PDXK: variants seen among roughly 807,000 people sequenced by gnomAD.
PDXK encodes pyridoxal kinase, also known as epididymis secretory sperm binding protein Li 1a.
A neutral mutation model predicts 43.2 loss-of-function variants in PDXK; 15 were observed. That is an observed-to-expected ratio of 0.35 (90% CI 0.23 to 0.53). The LOEUF (loss-of-function observed/expected upper bound fraction) is 0.53. PDXK is among the 20% of genes least tolerant of loss of function. The pLI, the probability that PDXK is intolerant of heterozygous loss-of-function variation, is 0.92. For synonymous variants in PDXK, 172 were observed against 165.4 expected, an observed-to-expected ratio of 1.04 and a Z score of -0.31; for missense variants, 343 against 417.0, an observed-to-expected ratio of 0.82 and a Z score of 1.54.
At chr21:43,719,984 C>A in intron 1 of PDXK, 8 of 909,230 alleles carry the variant, frequency 8.8e-6, no homozygotes, top group Non-Finnish European at 1.1e-5. Context: ...CTGCTCTGCA[C>A]CCTCTAGCAG....
chr21:43,719,734 C>A, intron 1 of PDXK: 1 of 985,402 alleles, frequency 1.0e-6, no homozygotes. Flanking sequence ...CTCCCGGAGG[C>A]GAGGAAATGT....
At chr21:43,740,603 T>C (rs2083481379) in intron 2 of PDXK, among the ~76,000 whole-genome samples, 1 of 151,930 alleles carries the variant, frequency 6.6e-6, no homozygotes, top group African/African-American at 2.4e-5. Context: ...GTGGTCAGGT[T>C]CCGCAGTGCA....
In PDXK at chr21:43,754,704, G is replaced by A. The variant is rs922075447; in HGVS notation, c.759+985G>A. ...CAGGGGTGCCATGGGAGTGACAGGA[G>A]GAAGACAGGACACCTCTGTCACTAT... On this transcript the variant is annotated intron_variant, in intron 9 of 10. Transcript: ENST00000291565. This position sits in a 1 kb window ranked among gnomAD's most constrained non-coding sequence, Gnocchi z 5.5. Among the ~76,000 whole-genome samples, 2 of 152,134 alleles carry A rather than the reference G, an allele frequency of 1.3e-5. No individual in the cohort carries two copies. Among genetic ancestry groups the A allele is most frequent in the Non-Finnish European group, 2.9e-5 (2 of 68,008 alleles).
chr21:43,743,917 G>T, intron 4 of PDXK, 110 bp downstream of exon 4: 1 of 711,426 alleles, frequency 1.4e-6, no homozygotes, highest in Non-Finnish European at 2.5e-6. Flanking sequence ...GCACGCCTCC[G>T]TGCCCCGCCT....
In PDXK at chr21:43,749,161, G is replaced by A. The variant is rs1400300640; in HGVS notation, c.464+81G>A. On this transcript the variant is annotated intron_variant, in intron 6 of 10. Transcript: ENST00000291565. ...CTCTTGTCACCCAGGCTGGAGTGCA[G>A]TGGCACGATCACAGCTCACTGCAAC... The A allele has an allele frequency of 3.6e-6, 3 of 822,116 alleles. No individual in the cohort carries two copies. The African/African-American group carries it at 5.2e-5, about 14-fold the overall frequency. 50.9% of individuals were successfully genotyped at this position (822,116 alleles called of 1,614,324 possible). A position where few individuals can be genotyped will look rare whatever the true frequency, so the allele number is the denominator to read the frequency against.
intron 1 of PDXK, among the ~76,000 whole-genome samples, chr21:43,727,473 G>A (rs1475413843): frequency 2.6e-5 from 4 of 152,196 alleles, no homozygotes; most frequent in African/African-American, 9.7e-5. Context: ...GCCAGCCCCT[G>A]TCCCTGTCCT....
rs377726670 is a variant in PDXK at position 43,752,716 on chromosome 21, A to G, written c.622+87A>G. The G allele has an allele frequency of 3.3e-5, 26 of 796,748 alleles. 1 individual carries two copies. Among genetic ancestry groups the G allele is most frequent in the Middle Eastern group, 4.5e-4 (2 of 4,418 alleles). 49.4% of individuals were successfully genotyped at this position (796,748 alleles called of 1,614,324 possible). ...GGGCTGCAAGAATGTTTTGGGTTCAATAGCATGAAATTTAAGCCTTATCCA... is the reference window on the plus strand; with the variant it reads ...GGGCTGCAAGAATGTTTTGGGTTCAGTAGCATGAAATTTAAGCCTTATCCA... On this transcript the variant is annotated intron_variant, in intron 8 of 10. Transcript: ENST00000291565.
intron 1 of PDXK, among the ~76,000 whole-genome samples, chr21:43,722,635 A>G (rs1218937432): frequency 6.6e-6 from 1 of 150,602 alleles, no homozygotes; most frequent in Admixed American, 6.7e-5. Context: ...CCTCCATACA[A>G]GGGTCCTTCC....
chr21:43,757,876 G>T lies in PDXK; in HGVS notation c.*1813G>T, dbSNP rs1473127076. 6.6e-6 allele frequency: 1 copy of T among 152,200 alleles called. No homozygotes were observed. The highest frequency in any genetic ancestry group is 1.5e-5 in the Non-Finnish European group (1 of 68,060). 9.4% of individuals were successfully genotyped at this position (152,200 alleles called of 1,614,324 possible). A position where few individuals can be genotyped will look rare whatever the true frequency, so the allele number is the denominator to read the frequency against. On this transcript the variant is annotated 3_prime_UTR_variant, in exon 11 of 11. Coordinates refer to ENST00000291565, the MANE Select transcript of PDXK (RefSeq NM_003681.5). ...CCCCAGTATGTGAGTGCAGGGATCTGCCAGAACCACCTGGCCCTCTGTAGG... is the reference window on the plus strand; with the variant it reads ...CCCCAGTATGTGAGTGCAGGGATCTTCCAGAACCACCTGGCCCTCTGTAGG...
Position 43,737,059 on chromosome 21 carries a change from A to C in PDXK, c.142+2936A>C. On this transcript the variant is annotated intron_variant, in intron 2 of 10. Transcript: ENST00000291565. The surrounding 1 kb of genome is among the most constrained non-coding windows in gnomAD (Gnocchi z 4.8). ...GCAATCTTTCTGCCTCCACCTCCCG[A>C]GTGGCTGGGACTATAGTTGTGCACC... 1.3e-6 allele frequency: 1 copy of C among 744,348 alleles called. No individual in the cohort carries two copies. The highest frequency in any genetic ancestry group is 2.4e-6 in the Non-Finnish European group (1 of 423,322). 46.1% of individuals were successfully genotyped at this position (744,348 alleles called of 1,614,324 possible). A position where few individuals can be genotyped will look rare whatever the true frequency, so the allele number is the denominator to read the frequency against.
intron 1 of PDXK, 109 bp downstream of exon 1, chr21:43,719,490 G>A (rs1208771411): frequency 1.5e-6 from 2 of 1,326,710 alleles, no homozygotes; most frequent in African/African-American, 3.1e-5. Flanking sequence ...GCTGCGGGCA[G>A]AGCCTGGCGC....
At chr21:43,744,471 G>C (rs1011419892) in intron 4 of PDXK, 2 of 154,032 alleles carry the variant, frequency 1.3e-5, no homozygotes, top group African/African-American at 4.8e-5. Context: ...TGCCCAAAAG[G>C]AGAGTGCTTG....
intron 1 of PDXK, among the ~76,000 whole-genome samples, chr21:43,726,000 G>T (rs1173400661): frequency 6.8e-6 from 1 of 147,884 alleles, no homozygotes; most frequent in Non-Finnish European, 1.5e-5. Context: ...CTTTCCTCCC[G>T]TCTAGCTGGG....
intron 9 of PDXK, among the ~76,000 whole-genome samples, chr21:43,755,155 G>A (rs150344978): frequency 5.3e-5 from 8 of 152,258 alleles, no homozygotes; most frequent in Non-Finnish European, 8.8e-5. Context: ...CGAGTTCCCC[G>A]TGCTTCCCCA....
intron 1 of PDXK, among the ~76,000 whole-genome samples, chr21:43,726,522 C>T (rs1411292543): frequency 1.3e-5 from 2 of 152,102 alleles, no homozygotes; most frequent in South Asian, 2.1e-4. Flanking sequence ...GGGATCTGCC[C>T]GCCTCGGCCT....
chr21:43,743,699 G>C, intron 3 of PDXK, 25 bp from the exon 4 acceptor site: 1 of 1,548,952 alleles, frequency 6.5e-7, no homozygotes, highest in South Asian at 1.1e-5. Flanking sequence ...GTTTTCTGAG[G>C]GTGACCTGGA....
chr21:43,741,564 G>A lies in PDXK; in HGVS notation c.143-103G>A, dbSNP rs369176591. On this transcript the variant is annotated intron_variant, in intron 2 of 10. Coordinates refer to ENST00000291565, the MANE Select transcript of PDXK (RefSeq NM_003681.5). ...TTGAGCCAGTCCATGGGGAGGAGCC[G>A]TCCACCAGGCAGCCTCAGGGAGAGT... 1.1e-4 allele frequency: 166 copies of A among 1,542,202 alleles called. No individual in the cohort carries two copies. The African/African-American group carries it at 2.1e-3, about 20-fold the overall frequency.
rs1446693938 is a variant in PDXK, at chr21:43,735,250, T to C, written c.142+1127T>C. ...TCCTTCCTGGCTGCTCTCGCCATCC[T>C]CCTTTAGGATTTATTTTTCAGTGAG... On this transcript the variant is annotated intron_variant, in intron 2 of 10. Coordinates refer to ENST00000291565, the MANE Select transcript of PDXK (RefSeq NM_003681.5). This position sits in a 1 kb window ranked among gnomAD's most constrained non-coding sequence, Gnocchi z 5.3. 2.6e-5 allele frequency among the ~76,000 whole-genome samples: 4 copies of C among 152,186 alleles called. No individual in the cohort carries two copies. In the East Asian group the frequency reaches 5.8e-4, roughly 22 times the overall value.
chr21:43,728,600 T>TCTGC, intron 1 of PDXK: 2 of 480,176 alleles, frequency 4.2e-6, no homozygotes, highest in Non-Finnish European at 5.4e-6. Context: ...TGTCTGGCTG[T>TCTGC]CTGCCTGTCT....
Sources: allele counts gnomAD v4.1 joint callset (sites outside exome capture counted in the v4.1 genomes callset), GRCh38; gene constraint gnomAD v4.1.1; non-coding constraint Gnocchi (gnomAD v3.1); transcripts MANE v1.5; gene names NCBI Gene and HGNC (gene_info 2026-07-23, HGNC 2026-07-21).